Variants in SUFU observed in about 807,000 individuals in gnomAD.
The protein encoded by SUFU is SUFU negative regulator of hedgehog signaling.
SUFU carries 7 observed loss-of-function variants against 58.9 expected under a neutral mutation model. The observed-to-expected ratio is 0.12, with a 90% CI of 0.07 to 0.22. The LOEUF is 0.22. Among genes scored for constraint, SUFU ranks in the 10% least tolerant of loss-of-function variants. The pLI, the probability that SUFU is intolerant of heterozygous loss-of-function variation, is 1.00. For synonymous variants in SUFU, 232 were observed against 254.8 expected (o/e 0.91, Z 0.85); for missense variants, 451 against 641.3 (o/e 0.70, Z 3.20).
chr10:102,560,430 C>T (rs1293821053), intron 3 of SUFU, among the ~76,000 whole-genome samples: 2 of 152,028 alleles, frequency 1.3e-5, no homozygotes, highest in African/African-American at 2.4e-5. Context: ...CAAAAATTAG[C>T]CAGGTGTGGT....
At chr10:102,574,957 G>A (rs966989986) in intron 3 of SUFU, among the ~76,000 whole-genome samples, 2 of 152,078 alleles carry the variant, frequency 1.3e-5, no homozygotes, top group Non-Finnish European at 2.9e-5. Flanking sequence ...TCAGGAGGCT[G>A]AGGCAGGAGA....
intron 3 of SUFU, among the ~76,000 whole-genome samples, chr10:102,570,219 C>T (rs544445936): frequency 9.0e-5 from 12 of 133,594 alleles, no homozygotes; most frequent in African/African-American, 2.6e-4. Context: ...TCTAGATTGC[C>T]GAACCGAGAG....
At position 102,593,651 on chromosome 10, in the gene SUFU, A is replaced by G; in HGVS notation, c.613A>G (p.Thr205Ala). Residue 205 changes from threonine to alanine, a missense_variant, in exon 5 of 12, where the codon ACT (threonine) becomes GCT (alanine). Physicochemically the swap from Thr to Ala is moderately conservative, Grantham distance 58. Transcript: ENST00000369902. ...TGGGCCTCAGATCGTTGGTGTCTGC[A>G]CTGAAGAGCTACACTCAGCCCAGCA... ...VTFLQIVGVC[T>A]EELHSAQQWN... 1 of 1,614,194 alleles carries G rather than the reference A, an allele frequency of 6.2e-7. No homozygotes were observed. Among genetic ancestry groups the G allele is most frequent in the Non-Finnish European group, 8.5e-7 (1 of 1,180,026 alleles).
intron 1 of SUFU, among the ~76,000 whole-genome samples, chr10:102,504,797 G>A (rs1407970196): frequency 6.6e-6 from 1 of 151,690 alleles, no homozygotes; most frequent in African/African-American, 2.4e-5. Context: ...CATAGAATGG[G>A]GGGTTCGGGG....
At chr10:102,575,930 C>T (rs973890980) in intron 3 of SUFU, among the ~76,000 whole-genome samples, 2 of 151,988 alleles carry the variant, frequency 1.3e-5, no homozygotes, top group Admixed American at 6.6e-5. Context: ...CTCAACCTCC[C>T]GGGCTCAAGT....
chr10:102,609,569 A>T (rs147343901), intron 8 of SUFU, among the ~76,000 whole-genome samples: 29 of 152,364 alleles, frequency 1.9e-4, no homozygotes, highest in African/African-American at 7.0e-4. Flanking sequence ...ACCTAGACCC[A>T]ATTGTTTGGA....
chr10:102,619,410 G>T lies in SUFU; in HGVS notation c.1296+1982G>T. The T allele has an allele frequency of 2.2e-6, 3 of 1,364,358 alleles. No individual in the cohort carries two copies. The highest frequency in any genetic ancestry group is 2.8e-6 in the Non-Finnish European group (3 of 1,055,860). The allele number at this position is 1,364,358 out of a possible 1,614,324, so 84.5% of individuals were successfully genotyped here. A position where few individuals can be genotyped will look rare whatever the true frequency, so the allele number is the denominator to read the frequency against. The stretch of plus-strand genomic sequence containing the variant: ...CAGGGAACCGGGGCGCGGTGGGAAC[G>T]AGCTGCTGGCCTCGGCATGTTTCAA... On this transcript the variant is annotated intron_variant, in intron 10 of 11. Coordinates refer to ENST00000369902, the MANE Select transcript of SUFU (RefSeq NM_016169.4). This position sits in a 1 kb window ranked among gnomAD's most constrained non-coding sequence, Gnocchi z 4.2.
At chr10:102,550,644 G>A (rs187961910) in intron 3 of SUFU, among the ~76,000 whole-genome samples, 1 of 152,084 alleles carries the variant, frequency 6.6e-6, no homozygotes, top group Non-Finnish European at 1.5e-5. Flanking sequence ...CATTGCAGAT[G>A]TCTGACTCAG....
At chr10:102,626,150 G>A (rs538003283) in intron 10 of SUFU, among the ~76,000 whole-genome samples, 1 of 152,236 alleles carries the variant, frequency 6.6e-6, no homozygotes, top group African/African-American at 2.4e-5. Flanking sequence ...GACAAGGACA[G>A]GGAGGGGGAG....
chr10:102,577,154 G>T (rs1324797435), intron 3 of SUFU, among the ~76,000 whole-genome samples: 1 of 146,552 alleles, frequency 6.8e-6, no homozygotes, highest in Admixed American at 7.0e-5. Flanking sequence ...CACCATCTTG[G>T]CTCACTGCAA....
chr10:102,617,532 C>A lies in SUFU; in HGVS notation c.1296+104C>A. 3 of 1,538,570 alleles carry A rather than the reference C, an allele frequency of 1.9e-6. No individual in the cohort carries two copies. Among genetic ancestry groups the A allele is most frequent in the East Asian group, 2.3e-5 (1 of 44,444 alleles). On this transcript the variant is annotated intron_variant, in intron 10 of 11. Coordinates refer to ENST00000369902, the MANE Select transcript of SUFU (RefSeq NM_016169.4). The surrounding 1 kb of genome is among the most constrained non-coding windows in gnomAD (Gnocchi z 4.4). ...CTTGATGGCACCCCTTCCTGGGGGG[C>A]TGGTCATGAATGCCTCATGGATTCA...
chr10:102,552,784 CTTAA>C lies in SUFU; in HGVS notation c.454+2681_454+2684del, dbSNP rs530472692. 3.4e-3 allele frequency among the ~76,000 whole-genome samples: 516 copies of C among 152,280 alleles called. 1 individual carries two copies. Among genetic ancestry groups the C allele is most frequent in the African/African-American group, 0.011 (461 of 41,548 alleles). On this transcript the variant is annotated intron_variant, in intron 3 of 11. Transcript: ENST00000369902. Reference sequence around the variant, plus strand: ...TTGTCAAATGACTCAAATGATTTAACTTAATTGTCAAAAAATAAAACATCTGTGT... The same window carrying C: ...TTGTCAAATGACTCAAATGATTTAACTTGTCAAAAAATAAAACATCTGTGT...
At chr10:102,603,246 CG>C (rs1305329268) in intron 8 of SUFU, among the ~76,000 whole-genome samples, 7 of 152,302 alleles carry the variant, frequency 4.6e-5, no homozygotes, top group Non-Finnish European at 1.0e-4. Flanking sequence ...ACTGCAGCCT[CG>C]AGCTCCTGGC....
At chr10:102,593,833 T>G in intron 5 of SUFU, 112 bp downstream of exon 5, 1 of 1,387,236 alleles carries the variant, frequency 7.2e-7, no homozygotes, top group Non-Finnish European at 1.0e-6. Context: ...ACCCTGGTTT[T>G]TCACATCAGG....
At chr10:102,618,863 A>C (rs1183015023) in intron 10 of SUFU, among the ~76,000 whole-genome samples, 1 of 150,886 alleles carries the variant, frequency 6.6e-6, no homozygotes, top group African/African-American at 2.5e-5. Context: ...GGAGCTGCTG[A>C]GGAGGCTGGA....
In SUFU at chr10:102,555,085, A is replaced by G. The variant is rs556441203; in HGVS notation, c.454+4979A>G. ...AGATCAAGACCATCCTGGCTAACAC[A>G]GTGAAACCCCGTCTCTACTAAAAAT... On this transcript the variant is annotated intron_variant, in intron 3 of 11. Coordinates refer to ENST00000369902, the MANE Select transcript of SUFU (RefSeq NM_016169.4). 2.5e-3 allele frequency among the ~76,000 whole-genome samples: 382 copies of G among 152,102 alleles called. 4 individuals carry two copies. Among genetic ancestry groups the G allele is most frequent in the South Asian group, 8.1e-3 (39 of 4,820 alleles).
At chr10:102,580,840 C>A (rs531654772) in intron 3 of SUFU, among the ~76,000 whole-genome samples, 1 of 152,224 alleles carries the variant, frequency 6.6e-6, no homozygotes, top group South Asian at 2.1e-4. Context: ...CTTTTCATTT[C>A]TGGCAATAGA....
intron 2 of SUFU, among the ~76,000 whole-genome samples, chr10:102,536,621 C>G (rs1478149741): frequency 6.6e-6 from 1 of 151,928 alleles, no homozygotes; most frequent in African/African-American, 2.4e-5. Context: ...CTCGGCCTCC[C>G]AAAGTGTTGA....
chr10:102,629,463 G>A lies in SUFU; in HGVS notation c.1366-603G>A, dbSNP rs1030046757. ...GGTGCGAATGAATACAGGGAGCAGG[G>A]TGGGGATTGGCCCCTCTCAGGCCCA... On this transcript the variant is annotated intron_variant, in intron 11 of 11. Transcript: ENST00000369902. This position sits in a 1 kb window ranked among gnomAD's most constrained non-coding sequence, Gnocchi z 4.7. 1.3e-5 allele frequency among the ~76,000 whole-genome samples: 2 copies of A among 152,184 alleles called. No homozygotes were observed. The highest frequency in any genetic ancestry group is 4.8e-5 in the African/African-American group (2 of 41,436).
Sources: allele counts gnomAD v4.1 joint callset (sites outside exome capture counted in the v4.1 genomes callset), GRCh38; gene constraint gnomAD v4.1.1; non-coding constraint Gnocchi (gnomAD v3.1); transcripts MANE v1.5; gene names NCBI Gene and HGNC (gene_info 2026-07-23, HGNC 2026-07-21).